The following CKM variants were observed in gnomAD, a reference collection of about 807,000 sequenced individuals.
The protein encoded by CKM is creatine kinase, M-type.
A neutral mutation model predicts 35.4 loss-of-function variants in CKM; 28 were observed. The observed-to-expected ratio is 0.79, with a 90% CI of 0.59 to 1.08. CKM has a LOEUF of 1.08. Among genes scored for constraint, CKM ranks in the 50% least tolerant of loss-of-function variants. The pLI is 0.00. For missense variants in CKM, 484 were observed against 509.8 expected (o/e 0.95, Z 0.49); for synonymous variants, 215 against 204.4 (o/e 1.05, Z -0.44).
intron 3 of CKM, 30 bp from the exon 4 acceptor site, chr19:45,315,627 G>T: frequency 6.2e-7 from 1 of 1,600,588 alleles, no homozygotes; most frequent in South Asian, 1.1e-5. Context: ...TCAGGACCAG[G>T]CAGATCCTCC....
At chr19:45,319,315 C>T (rs532264180) in intron 2 of CKM, among the ~76,000 whole-genome samples, 2 of 152,288 alleles carry the variant, frequency 1.3e-5, no homozygotes, top group South Asian at 2.1e-4. Context: ...ACATTATTCT[C>T]GTGCATGTTT....
chr19:45,314,967 C>T (rs1293488924), intron 4 of CKM, among the ~76,000 whole-genome samples: 1 of 151,540 alleles, frequency 6.6e-6, no homozygotes, highest in Non-Finnish European at 1.5e-5. Flanking sequence ...CCTCCTAGGC[C>T]TCCCGCACTG....
chr19:45,309,787 C>T (rs919254524), intron 5 of CKM, among the ~76,000 whole-genome samples: 2 of 149,012 alleles, frequency 1.3e-5, no homozygotes, highest in African/African-American at 5.0e-5. Context: ...CGTTTGAACC[C>T]GGGAGATGGA....
intron 1 of CKM, among the ~76,000 whole-genome samples, chr19:45,321,565 A>C (rs984339003): frequency 2.0e-5 from 3 of 152,144 alleles, no homozygotes; most frequent in Admixed American, 6.6e-5. Flanking sequence ...TTGGCTGAGC[A>C]CAGGCCCTGG....
At position 45,308,596 on chromosome 19, in the gene CKM, C is replaced by T. The variant is rs572362407; in HGVS notation, c.654-64G>A. The T allele has an allele frequency of 1.9e-6, 3 of 1,609,536 alleles. No individual in the cohort carries two copies. In the African/African-American group the frequency reaches 4.0e-5, roughly 21 times the overall value. The stretch of plus-strand genomic sequence containing the variant: ...CCCCGTGGGAACCCCATTCCCAGCC[C>T]TCCCCCAAAACATCTGCCCACCGAT... On this transcript the variant is annotated intron_variant, in intron 5 of 7. Transcript: ENST00000221476.
intron 4 of CKM, 73 bp downstream of exon 4, chr19:45,315,392 C>T: frequency 6.4e-7 from 1 of 1,553,130 alleles, no homozygotes; most frequent in Non-Finnish European, 8.7e-7. Context: ...CCAAAGAGAC[C>T]CGAGGACCTG....
chr19:45,310,925 G>T lies in CKM; in HGVS notation c.653+824C>A, dbSNP rs544216295. 2.8e-3 allele frequency among the ~76,000 whole-genome samples: 376 copies of T among 136,274 alleles called. 1 individual carries two copies. Among genetic ancestry groups the T allele is most frequent in the African/African-American group, 0.01 (355 of 34,516 alleles). The allele number at this position is 136,274 out of a possible 152,430, so 89.4% of individuals were successfully genotyped here. On this transcript the variant is annotated intron_variant, in intron 5 of 7. Transcript: ENST00000221476. ...AGCTGGGACTACAGGCGCCTGCCAC[G>T]ACGCCGGGCTAATTTTTTTTTTTTT...
intron 1 of CKM, among the ~76,000 whole-genome samples, chr19:45,322,011 C>T (rs1234015061): frequency 6.6e-6 from 1 of 152,080 alleles, no homozygotes; most frequent in Non-Finnish European, 1.5e-5. Context: ...TGCTGCCCCG[C>T]CCCACCCCCA....
intron 1 of CKM, among the ~76,000 whole-genome samples, chr19:45,321,953 G>A (rs150965713): frequency 3.3e-5 from 5 of 152,174 alleles, no homozygotes; most frequent in Admixed American, 3.3e-4. Context: ...TGCTGTCCAG[G>A]GTGGTTATTT....
intron 1 of CKM, among the ~76,000 whole-genome samples, chr19:45,321,076 G>GTTTTTTTTT (rs1180664675): frequency 1.5e-5 from 2 of 130,934 alleles, no homozygotes; most frequent in African/African-American, 2.8e-5. Context: ...TTTTTTTTTG[G>GTTTTTTTTT]TATTTTTAGT....
At chr19:45,320,940 G>A (rs1044204568) in intron 1 of CKM, among the ~76,000 whole-genome samples, 2 of 150,412 alleles carry the variant, frequency 1.3e-5, no homozygotes, top group Non-Finnish European at 2.9e-5. Context: ...TCGCTCTGTC[G>A]CCCAGGCTAG....
chr19:45,315,849 C>CTTTTTTTTTTTTTTT lies in CKM; in HGVS notation c.349-253_349-252insAAAAAAAAAAAAAAA, dbSNP rs376961493. On this transcript the variant is annotated intron_variant, in intron 3 of 7. Coordinates refer to ENST00000221476, the MANE Select transcript of CKM (RefSeq NM_001824.5). ...TCCCCATCTTCGTATATTTCTTTTC[C>CTTTTTTTTTTTTTTT]TTTTTTTTCTTCGAGACAGGGTCTC... Among the ~76,000 whole-genome samples the CTTTTTTTTTTTTTTT allele has an allele frequency of 2.7e-4, 36 of 135,648 alleles. 2 individuals are homozygous for CTTTTTTTTTTTTTTT. The highest frequency in any genetic ancestry group is 3.2e-4 in the Non-Finnish European group (20 of 63,398). The allele number at this position is 135,648 out of a possible 152,430, so 89.0% of individuals were successfully genotyped here. A position where few individuals can be genotyped will look rare whatever the true frequency, so the allele number is the denominator to read the frequency against.
At chr19:45,315,618 C>G in intron 3 of CKM, 21 bp from the exon 4 acceptor site, 3 of 1,601,384 alleles carry the variant, frequency 1.9e-6, no homozygotes, top group Non-Finnish European at 2.5e-6. Flanking sequence ...GGTGGGAGAT[C>G]AGGACCAGGC....
At chr19:45,317,439 C>T (rs1488713020) in intron 3 of CKM, among the ~76,000 whole-genome samples, 1 of 152,106 alleles carries the variant, frequency 6.6e-6, no homozygotes, top group Non-Finnish European at 1.5e-5. Flanking sequence ...AGGCATGTGC[C>T]ACCACACCCA....
At position 45,306,716 on chromosome 19, in the gene CKM, G is replaced by A. The variant is rs561517633; in HGVS notation, c.*34C>T. On this transcript the variant is annotated 3_prime_UTR_variant, in exon 8 of 8. Coordinates refer to ENST00000221476, the MANE Select transcript of CKM (RefSeq NM_001824.5). The surrounding 1 kb of genome is among the most constrained non-coding windows in gnomAD (Gnocchi z 4.5). ...GGTGGGCCAGGCCCTCCCACTGGCT[G>A]GGTTCCAGCAGTCGGTGGCAGGTGG... The A allele has an allele frequency of 1.2e-6, 2 of 1,612,416 alleles. No homozygotes were observed. Among genetic ancestry groups the A allele is most frequent in the South Asian group, 2.2e-5 (2 of 91,060 alleles).
In CKM at chr19:45,311,879, G is replaced by A. The variant is rs1273116547; in HGVS notation, c.523C>T (p.Pro175Ser). Residue 175 changes from proline to serine, a missense_variant, in exon 5 of 8, where the codon CCT becomes TCT. Coordinates refer to ENST00000221476, the MANE Select transcript of CKM (RefSeq NM_001824.5). ...TCCTTCTCCGTCATGCTCTTCAGAG[G>A]GTAGTACTTCCCTTTGAACTCGCCC... Reference protein sequence around the residue: ...LTGEFKGKYYPLKSMTEKEQQ... With the variant: ...LTGEFKGKYYSLKSMTEKEQQ... 1.2e-6 allele frequency: 2 copies of A among 1,613,910 alleles called. No homozygotes were observed. Among genetic ancestry groups the A allele is most frequent in the Non-Finnish European group, 8.5e-7 (1 of 1,179,960 alleles).
intron 1 of CKM, among the ~76,000 whole-genome samples, chr19:45,321,215 T>C (rs1372511318): frequency 6.6e-6 from 1 of 152,002 alleles, no homozygotes; most frequent in Non-Finnish European, 1.5e-5. Flanking sequence ...GTTGTTGTTA[T>C]TTTAAAGGTT....
intron 4 of CKM, among the ~76,000 whole-genome samples, chr19:45,312,405 A>G (rs1294218533): frequency 6.6e-6 from 1 of 151,732 alleles, no homozygotes; most frequent in Non-Finnish European, 1.5e-5. Flanking sequence ...TCTGGGTAAC[A>G]TAGCAAGACC....
chr19:45,312,978 G>A (rs951928809), intron 4 of CKM, among the ~76,000 whole-genome samples: 7 of 150,658 alleles, frequency 4.6e-5, no homozygotes, highest in African/African-American at 1.7e-4. Context: ...AAAAAAAATT[G>A]TGTGTTTATT....
Sources: allele counts gnomAD v4.1 joint callset (sites outside exome capture counted in the v4.1 genomes callset), GRCh38; gene constraint gnomAD v4.1.1; non-coding constraint Gnocchi (gnomAD v3.1); transcripts MANE v1.5; gene names NCBI Gene and HGNC (gene_info 2026-07-23, HGNC 2026-07-21).